DENND4A: variants seen among roughly 807,000 people sequenced by gnomAD.
The protein encoded by DENND4A is DENN domain containing 4A.
In DENND4A, 70 loss-of-function variants were observed where a neutral mutation model predicts 199.3. That is an observed-to-expected ratio of 0.35 (90% confidence interval 0.29 to 0.43). The LOEUF (loss-of-function observed/expected upper bound fraction) is 0.43, where lower values mean the gene tolerates loss of function less well. Ranked by LOEUF, DENND4A falls within the 20% of genes least tolerant of loss-of-function variation. DENND4A has a pLI of 1.00. For missense variants in DENND4A, 1,723 were observed against 2,255.8 expected, an observed-to-expected ratio of 0.76 and a Z score of 4.78; for synonymous variants, 686 against 766.9, an observed-to-expected ratio of 0.89 and a Z score of 1.74.
At chr15:65,668,775 T>C (rs2076126337) in intron 27 of DENND4A, among the ~76,000 whole-genome samples, 1 of 151,330 alleles carries the variant, frequency 6.6e-6, no homozygotes, top group Non-Finnish European at 1.5e-5. Context: ...GAGCCAAGAT[T>C]GCACCACTGT....
chr15:65,747,658 T>C (rs1329305140), intron 4 of DENND4A, among the ~76,000 whole-genome samples: 1 of 152,174 alleles, frequency 6.6e-6, no homozygotes, highest in Non-Finnish European at 1.5e-5. Context: ...TCCAGCCACA[T>C]ATCAATACAC....
intron 2 of DENND4A, among the ~76,000 whole-genome samples, chr15:65,758,157 A>T (rs1457604368): frequency 6.6e-6 from 1 of 152,204 alleles, no homozygotes; most frequent in Non-Finnish European, 1.5e-5. Context: ...AAGTCTCAGC[A>T]GATATATCAA....
intron 24 of DENND4A, among the ~76,000 whole-genome samples, chr15:65,673,006 G>C (rs777135896): frequency 2.6e-5 from 4 of 151,698 alleles, no homozygotes; most frequent in Non-Finnish European, 4.4e-5. Flanking sequence ...GACTACATGC[G>C]CATGCCACCA....
chr15:65,705,995 T>C, intron 15 of DENND4A, 96 bp downstream of exon 15: 4 of 1,378,966 alleles, frequency 2.9e-6, no homozygotes, highest in Admixed American at 3.2e-5. Flanking sequence ...TCTGTAAAGT[T>C]TGGATTTTTG....
At chr15:65,672,449 AC>A (rs2076244331) in intron 24 of DENND4A, among the ~76,000 whole-genome samples, 2 of 152,068 alleles carry the variant, frequency 1.3e-5, no homozygotes, top group Non-Finnish European at 2.9e-5. Context: ...ACATAGTGAG[AC>A]CTTGTCTCTA....
intron 1 of DENND4A, among the ~76,000 whole-genome samples, chr15:65,778,420 A>G (rs954585369): frequency 6.6e-6 from 1 of 151,260 alleles, no homozygotes; most frequent in Non-Finnish European, 1.5e-5. Context: ...AGAGTCCTCA[A>G]CTAAAATACT....
At chr15:65,741,909 T>C (rs1426820936) in intron 4 of DENND4A, 125 bp from the exon 5 acceptor site, 1 of 580,708 alleles carries the variant, frequency 1.7e-6, no homozygotes, top group Admixed American at 3.5e-5. Context: ...CTCTGCTAGC[T>C]ATTTTCAGTT....
chr15:65,710,905 T>G (rs1010998865), intron 14 of DENND4A, among the ~76,000 whole-genome samples: 2 of 152,244 alleles, frequency 1.3e-5, no homozygotes, highest in Non-Finnish European at 2.9e-5. Flanking sequence ...ATGTGACATG[T>G]TGGCTCCCTA....
At chr15:65,672,585 G>A (rs1468392562) in intron 24 of DENND4A, among the ~76,000 whole-genome samples, 3 of 151,276 alleles carry the variant, frequency 2.0e-5, no homozygotes, top group Admixed American at 6.6e-5. Context: ...CAATGAGAGC[G>A]TGGGCAGCAG....
intron 4 of DENND4A, among the ~76,000 whole-genome samples, chr15:65,744,892 G>T (rs1013338275): frequency 6.6e-6 from 1 of 152,144 alleles, no homozygotes; most frequent in Non-Finnish European, 1.5e-5. Context: ...GTGACAAGTA[G>T]TTACTTAAAG....
intron 8 of DENND4A, among the ~76,000 whole-genome samples, chr15:65,732,253 T>G (rs1177703659): frequency 6.6e-6 from 1 of 152,108 alleles, no homozygotes; most frequent in Non-Finnish European, 1.5e-5. Context: ...TTAAACTGAA[T>G]GTGTTATGTA....
chr15:65,662,137 T>C (rs979003787), intron 32 of DENND4A, 150 bp from the exon 33 acceptor site: 3 of 689,126 alleles, frequency 4.4e-6, no homozygotes, highest in African/African-American at 1.8e-5. Flanking sequence ...CACAGCTGGA[T>C]TGCACAGACC....
At chr15:65,678,262 T>C (rs1390053092) in intron 23 of DENND4A, among the ~76,000 whole-genome samples, 3 of 152,214 alleles carry the variant, frequency 2.0e-5, no homozygotes, top group Non-Finnish European at 2.9e-5. Context: ...TCTTGATTAT[T>C]CTCATGTATC....
chr15:65,720,948 TA>T lies in DENND4A; in HGVS notation c.1588+1899del, dbSNP rs1567043844. Among the ~76,000 whole-genome samples, 66 of 8,304 alleles carry T rather than the reference TA, an allele frequency of 7.9e-3. 3 individuals are homozygous for T. Among genetic ancestry groups the T allele is most frequent in the African/African-American group, 0.022 (59 of 2,708 alleles). 5.4% of individuals were successfully genotyped at this position (8,304 alleles called of 152,430 possible). A position where few individuals can be genotyped will look rare whatever the true frequency, so the allele number is the denominator to read the frequency against. Reference sequence around the variant, plus strand: ...AAGTTGAATGGGCTGTTTCATTGATTATATATATATATATATATATATATAT... The same window carrying T: ...AAGTTGAATGGGCTGTTTCATTGATTTATATATATATATATATATATATAT... On this transcript the variant is annotated intron_variant, in intron 12 of 32. Transcript: ENST00000443035.
chr15:65,702,631 G>C (rs1200857224), intron 16 of DENND4A, 120 bp from the exon 17 acceptor site: 5 of 950,024 alleles, frequency 5.3e-6, no homozygotes, highest in East Asian at 5.3e-5. Context: ...AAATATGTCT[G>C]TAATTAATGC....
intron 20 of DENND4A, among the ~76,000 whole-genome samples, chr15:65,699,913 A>C (rs1348066735): frequency 6.6e-6 from 1 of 151,856 alleles, no homozygotes; most frequent in Non-Finnish European, 1.5e-5. Context: ...CCTGGGCTCA[A>C]GTGAACCACC....
At chr15:65,773,354 T>G (rs1393884642) in intron 1 of DENND4A, among the ~76,000 whole-genome samples, 1 of 152,114 alleles carries the variant, frequency 6.6e-6, no homozygotes, top group African/African-American at 2.4e-5. Context: ...CAAAGACAAA[T>G]GAGACATGAC....
chr15:65,697,297 T>C lies in DENND4A; in HGVS notation c.2920A>G (p.Lys974Glu). 2 of 1,601,394 alleles carry C rather than the reference T, an allele frequency of 1.2e-6. No homozygotes were observed. Among genetic ancestry groups the C allele is most frequent in the Middle Eastern group, 1.7e-4 (1 of 6,026 alleles). ...DTSTEDIQEE[K>E]DKKGSDCSSL... Reference sequence around the variant, plus strand: ...CTACAATCACTCCCTTTTTTATCTTTTTCTTCTTGAATGTCTTCAGTAGAT... The same window carrying C: ...CTACAATCACTCCCTTTTTTATCTTCTTCTTCTTGAATGTCTTCAGTAGAT... The change falls in exon 21 of 33, where the codon AAA becomes GAA. Residue 974 changes from lysine to glutamate, a missense_variant. This residue lies in a region of DENND4A where 650 missense variants were observed against 738.1 expected (regional missense o/e 0.88). Transcript: ENST00000443035.
rs2077751825 is a variant in DENND4A at position 65,792,126 on chromosome 15, G to A, written c.-218C>T. 1 of 152,938 alleles carries A rather than the reference G, an allele frequency of 6.5e-6. No homozygotes were observed. Among genetic ancestry groups the A allele is most frequent in the African/African-American group, 2.4e-5 (1 of 41,410 alleles). 9.5% of individuals were successfully genotyped at this position (152,938 alleles called of 1,614,324 possible). Reference sequence around the variant, plus strand: ...TGCCGCGGCGCTCTGAGCCCGCTTAGCTCATCCCCAGCCCGGCGCTCCGCC... The same window carrying A: ...TGCCGCGGCGCTCTGAGCCCGCTTAACTCATCCCCAGCCCGGCGCTCCGCC... On this transcript the variant is annotated 5_prime_UTR_variant, in exon 1 of 33. Transcript: ENST00000443035.
Sources: allele counts gnomAD v4.1 joint callset (sites outside exome capture counted in the v4.1 genomes callset), GRCh38; gene constraint gnomAD v4.1.1; regional missense constraint gnomAD v4.1.1; transcripts MANE v1.5; gene names NCBI Gene and HGNC (gene_info 2026-07-23, HGNC 2026-07-21).